PACS1: variants seen among roughly 807,000 people sequenced by gnomAD.
The protein encoded by PACS1 is PACS-1.
Under a neutral mutation model 115.0 loss-of-function variants are expected in PACS1, and 24 were observed. The observed-to-expected ratio is 0.21, with a 90% CI of 0.15 to 0.29. PACS1 has a LOEUF of 0.29. Ranked by LOEUF, PACS1 falls within the 10% of genes least tolerant of loss-of-function variation. The pLI, the probability that PACS1 is intolerant of heterozygous loss-of-function variation, is 1.00. For missense variants in PACS1, 838 were observed against 1,251.2 expected (o/e 0.67, Z 4.98); for synonymous variants, 453 against 504.5 (o/e 0.90, Z 1.37).
chr11:66,232,224 C>T lies in PACS1; in HGVS notation c.1679C>T (p.Ala560Val). 6.2e-7 allele frequency: 1 copy of T among 1,613,572 alleles called. No individual in the cohort carries two copies. Among genetic ancestry groups the T allele is most frequent in the Non-Finnish European group, 8.5e-7 (1 of 1,179,456 alleles). The change falls in exon 14 of 24, where the codon GCA (alanine) becomes GTA (valine). Residue 560 changes from alanine (A) to valine (V), a missense_variant. This residue lies in a region of PACS1 where 383 missense variants were observed against 537.0 expected (regional missense o/e 0.71). Coordinates refer to ENST00000320580, the MANE Select transcript of PACS1 (RefSeq NM_018026.4). The stretch of plus-strand genomic sequence containing the variant: ...CTCAATCAGATCCTGGTGTCAGATG[C>T]AGCCCTCCCAGAAAATGTCATTCTG... The part of the protein sequence containing the change: ...DQLNQILVSD[A>V]ALPENVILVN...
chr11:66,112,125 A>G (rs114072469), intron 1 of PACS1, among the ~76,000 whole-genome samples: 1 of 152,002 alleles, frequency 6.6e-6, no homozygotes, highest in Non-Finnish European at 1.5e-5. Flanking sequence ...TCTTCTCTAC[A>G]CTGCCGGCAG....
At chr11:66,171,741 C>G (rs1159209842) in intron 1 of PACS1, among the ~76,000 whole-genome samples, 1 of 149,670 alleles carries the variant, frequency 6.7e-6, no homozygotes, top group African/African-American at 2.5e-5. Flanking sequence ...CACCACGCCC[C>G]GCTAATTTTT....
In PACS1 at chr11:66,070,955, C is replaced by G. The variant is rs1234261695; in HGVS notation, c.356+113C>G. 2.7e-6 allele frequency: 3 copies of G among 1,115,716 alleles called. No homozygotes were observed. Among genetic ancestry groups the G allele is most frequent in the South Asian group, 4.4e-5 (2 of 45,536 alleles). The allele number at this position is 1,115,716 out of a possible 1,614,324, so 69.1% of individuals were successfully genotyped here. ...CCGCCCTCCATCTCCCCGACTGTCCCGCGGCCCGGCCTGGCTCCAGCCAGG... is the reference window on the plus strand; with the variant it reads ...CCGCCCTCCATCTCCCCGACTGTCCGGCGGCCCGGCCTGGCTCCAGCCAGG... On this transcript the variant is annotated intron_variant, in intron 1 of 23. Coordinates refer to ENST00000320580, the MANE Select transcript of PACS1 (RefSeq NM_018026.4). This position sits in a 1 kb window ranked among gnomAD's most constrained non-coding sequence, Gnocchi z 5.9.
intron 1 of PACS1, among the ~76,000 whole-genome samples, chr11:66,099,990 C>T (rs1293883701): frequency 7.2e-5 from 11 of 152,168 alleles, no homozygotes; most frequent in African/African-American, 2.2e-4. Context: ...AAGCAGTTCT[C>T]CTCCCTCAGC....
intron 1 of PACS1, among the ~76,000 whole-genome samples, chr11:66,109,452 G>A (rs1479375751): frequency 6.6e-6 from 1 of 152,192 alleles, no homozygotes; most frequent in Admixed American, 6.5e-5. Context: ...GGTCTGTGAA[G>A]AAGTGTGTGC....
chr11:66,070,370 C>T lies in PACS1; in HGVS notation c.-117C>T. ...GCGTGCGTGCAGCTCGCTGGCTGCTCGCGCTCGGGCAGGCGGGCTGAGGAG... is the reference window on the plus strand; with the variant it reads ...GCGTGCGTGCAGCTCGCTGGCTGCTTGCGCTCGGGCAGGCGGGCTGAGGAG... On this transcript the variant is annotated 5_prime_UTR_variant, in exon 1 of 24. Coordinates refer to ENST00000320580, the MANE Select transcript of PACS1 (RefSeq NM_018026.4). The surrounding 1 kb of genome is among the most constrained non-coding windows in gnomAD (Gnocchi z 5.9). 1.9e-6 allele frequency: 1 copy of T among 521,674 alleles called. No homozygotes were observed. Among genetic ancestry groups the T allele is most frequent in the Non-Finnish European group, 2.7e-6 (1 of 363,710 alleles). 32.3% of individuals were successfully genotyped at this position (521,674 alleles called of 1,614,324 possible). A position where few individuals can be genotyped will look rare whatever the true frequency, so the allele number is the denominator to read the frequency against.
At chr11:66,239,349 G>C (rs894773247) in intron 21 of PACS1, 72 bp downstream of exon 21, 1 of 1,540,700 alleles carries the variant, frequency 6.5e-7, no homozygotes, top group African/African-American at 1.4e-5. Flanking sequence ...AGTGACAGGC[G>C]CATGGGCTTA....
intron 13 of PACS1, 164 bp from the exon 14 acceptor site, chr11:66,232,008 A>T (rs1174070392): frequency 1.7e-6 from 1 of 581,310 alleles, no homozygotes; most frequent in African/African-American, 1.9e-5. Context: ...CCTCCTTTCC[A>T]TCGTGGTCTG....
At chr11:66,144,217 T>C (rs1323046635) in intron 1 of PACS1, among the ~76,000 whole-genome samples, 1 of 152,218 alleles carries the variant, frequency 6.6e-6, no homozygotes, top group Non-Finnish European at 1.5e-5. Flanking sequence ...ATGAGAAGAC[T>C]AACTAATAGT....
chr11:66,124,002 T>C (rs1311237034), intron 1 of PACS1, among the ~76,000 whole-genome samples: 4 of 152,258 alleles, frequency 2.6e-5, no homozygotes, highest in Non-Finnish European at 4.4e-5. Flanking sequence ...AACTGTTTAC[T>C]TGCTGTCTCG....
At chr11:66,091,574 G>A (rs1314035191) in intron 1 of PACS1, among the ~76,000 whole-genome samples, 1 of 149,784 alleles carries the variant, frequency 6.7e-6, no homozygotes, top group African/African-American at 2.5e-5. Context: ...ACAATGTGCA[G>A]GTTAGTTACA....
chr11:66,080,674 G>A (rs1315868646), intron 1 of PACS1, among the ~76,000 whole-genome samples: 1 of 152,166 alleles, frequency 6.6e-6, no homozygotes, highest in African/African-American at 2.4e-5. Flanking sequence ...AGACACCAGA[G>A]CCGTTTCTGT....
intron 1 of PACS1, among the ~76,000 whole-genome samples, chr11:66,123,492 CA>C (rs1858493302): frequency 6.6e-6 from 1 of 151,550 alleles, no homozygotes; most frequent in South Asian, 2.1e-4. Flanking sequence ...ACGCCTGGCT[CA>C]ATAAGCCATT....
chr11:66,242,807 G>C, intron 22 of PACS1, 105 bp from the exon 23 acceptor site: 1 of 1,501,738 alleles, frequency 6.7e-7, no homozygotes, highest in Non-Finnish European at 9.1e-7. Context: ...TTGGTTTGCA[G>C]ATCACCTCCC....
chr11:66,178,630 A>C (rs1300288937), intron 1 of PACS1, among the ~76,000 whole-genome samples: 1 of 152,158 alleles, frequency 6.6e-6, no homozygotes. Flanking sequence ...AATTTAAAAT[A>C]ATAAAATTAA....
chr11:66,200,629 A>G (rs1184622239), intron 2 of PACS1, among the ~76,000 whole-genome samples: 2 of 152,174 alleles, frequency 1.3e-5, no homozygotes, highest in Non-Finnish European at 2.9e-5. Flanking sequence ...TGCACCTAAC[A>G]CTGGAGCACC....
intron 1 of PACS1, among the ~76,000 whole-genome samples, chr11:66,107,495 A>G (rs1425258617): frequency 6.6e-6 from 1 of 152,166 alleles, no homozygotes; most frequent in Non-Finnish European, 1.5e-5. Context: ...CATGAGGGCC[A>G]TGATTTGTAC....
At chr11:66,234,683 G>T (rs1198950803) in intron 17 of PACS1, among the ~76,000 whole-genome samples, 1 of 152,138 alleles carries the variant, frequency 6.6e-6, no homozygotes, top group Non-Finnish European at 1.5e-5. Flanking sequence ...TTCAAGACCA[G>T]CCTGGGCAAC....
intron 1 of PACS1, among the ~76,000 whole-genome samples, chr11:66,158,999 C>CA (rs1041880859): frequency 6.6e-6 from 1 of 152,142 alleles, no homozygotes; most frequent in African/African-American, 2.4e-5. Flanking sequence ...TGATCTAAAA[C>CA]AAGTGACATT....
Sources: allele counts gnomAD v4.1 joint callset (sites outside exome capture counted in the v4.1 genomes callset), GRCh38; gene constraint gnomAD v4.1.1; regional missense constraint gnomAD v4.1.1; non-coding constraint Gnocchi (gnomAD v3.1); transcripts MANE v1.5; gene names NCBI Gene and HGNC (gene_info 2026-07-23, HGNC 2026-07-21).